Variants in BOP1 observed in about 807,000 individuals in gnomAD.
BOP1 encodes BOP1 ribosomal biogenesis factor.
BOP1 carries 54 observed loss-of-function variants against 82.9 expected under a neutral mutation model. The observed-to-expected ratio is 0.65, with a 90% CI of 0.52 to 0.82. BOP1 has a LOEUF of 0.82. BOP1 is among the 40% of genes least tolerant of loss of function. The pLI is 0.00. For synonymous variants in BOP1, 566 were observed against 451.1 expected, an observed-to-expected ratio of 1.25 and a Z score of -3.23; for missense variants, 1,170 against 1,072.0, an observed-to-expected ratio of 1.09 and a Z score of -1.28.
At chr8:144,273,522 CA>C (rs1253804496) in intron 3 of BOP1, among the ~76,000 whole-genome samples, 4 of 152,252 alleles carry the variant, frequency 2.6e-5, no homozygotes, top group Non-Finnish European at 4.4e-5. Flanking sequence ...GCTTTCCTGA[CA>C]AACACGGCCA....
At chr8:144,289,361 A>G in intron 1 of BOP1, 57 bp from the exon 2 acceptor site, 1 of 1,569,484 alleles carries the variant, frequency 6.4e-7, no homozygotes, top group South Asian at 1.1e-5. Flanking sequence ...GGCACTGAAC[A>G]CTGCAGGGAG....
chr8:144,284,853 G>C (rs1554839296), intron 2 of BOP1, among the ~76,000 whole-genome samples: 1 of 152,212 alleles, frequency 6.6e-6, no homozygotes, highest in African/African-American at 2.4e-5. Flanking sequence ...GAAGCCTGTG[G>C]CCCGGCCCTG....
intron 1 of BOP1, among the ~76,000 whole-genome samples, chr8:144,290,686 A>G (rs1415971925): frequency 6.6e-6 from 1 of 152,218 alleles, no homozygotes; most frequent in East Asian, 1.9e-4. Context: ...CATGGGAGCC[A>G]GGATGAGTTG....
At chr8:144,276,097 A>G in intron 3 of BOP1, 127 bp downstream of exon 3, 1 of 1,132,218 alleles carries the variant, frequency 8.8e-7, no homozygotes. Flanking sequence ...CCTCGGCTCC[A>G]ACAGTGCGGC....
chr8:144,262,996 C>T lies in BOP1; in HGVS notation c.1751G>A (p.Arg584Gln), dbSNP rs910989731. The T allele has an allele frequency of 4.2e-5, 65 of 1,555,316 alleles. No individual in the cohort carries two copies. The highest frequency in any genetic ancestry group is 5.2e-5 in the Non-Finnish European group (60 of 1,158,092). ...GGGCCGGGCAGGGTGGAAGGCCACT[C>T]GCTGCACCTGTCCGTGGCTGCGGCG... The part of the protein sequence containing the change: ...PFRRSHGQVQ[R>Q]VAFHPARPFL... The change falls in exon 13 of 16, where the codon CGA (arginine) becomes CAA (glutamine). Residue 584 changes from arginine (R) to glutamine (Q), a missense_variant. Arg to Gln is a conservative substitution (Grantham distance 43, BLOSUM62 1). Coordinates refer to ENST00000569669, the MANE Select transcript of BOP1 (RefSeq NM_015201.5).
intron 1 of BOP1, among the ~76,000 whole-genome samples, chr8:144,290,378 A>T (rs1461090444): frequency 6.6e-6 from 1 of 152,092 alleles, no homozygotes; most frequent in Non-Finnish European, 1.5e-5. Flanking sequence ...AGGAAAAGAA[A>T]AGAAAAAGGA....
At chr8:144,287,213 T>C (rs1025724850) in intron 2 of BOP1, among the ~76,000 whole-genome samples, 1 of 152,212 alleles carries the variant, frequency 6.6e-6, no homozygotes, top group Admixed American at 6.5e-5. Flanking sequence ...TTTCACCATG[T>C]TAGCCAGGCT....
intron 2 of BOP1, among the ~76,000 whole-genome samples, chr8:144,287,837 C>T (rs1588610377): frequency 6.6e-6 from 1 of 152,322 alleles, no homozygotes; most frequent in African/African-American, 2.4e-5. Context: ...GCCAACCCAA[C>T]ACAGCTAGCA....
At chr8:144,267,486 T>C (rs1312216151) in intron 3 of BOP1, among the ~76,000 whole-genome samples, 2 of 152,244 alleles carry the variant, frequency 1.3e-5, no homozygotes, top group African/African-American at 4.8e-5. Flanking sequence ...ACCAGGCCGC[T>C]GCAAGCTTCC....
rs1326632060 is a variant in BOP1, at chr8:144,264,064, C to T, written c.1057G>A (p.Val353Met). ...LPRKFPSLRA[V>M]PAYGRFIQER... ...TGGATGAAGCGTCCGTAGGCAGGCA[C>T]GGCCCGCAGGCTCGGGAACTTGCGT... Residue 353 changes from valine (V) to methionine (M), a missense_variant, in exon 8 of 16, where the codon GTG (valine) becomes ATG (methionine). Coordinates refer to ENST00000569669, the MANE Select transcript of BOP1 (RefSeq NM_015201.5). 77 of 1,610,110 alleles carry T rather than the reference C, an allele frequency of 4.8e-5. No homozygotes were observed. The Middle Eastern group carries it at 5.0e-4, about 10-fold the overall frequency.
intron 3 of BOP1, chr8:144,265,402 C>A (rs946173408): frequency 1.1e-5 from 5 of 456,270 alleles, no homozygotes; most frequent in Non-Finnish European, 1.6e-5. Flanking sequence ...TCATCACCCA[C>A]GGGCTCCCTC....
chr8:144,262,768 GCCCCTACCCCCACCCCTCACCT>G (rs1845243445), intron 13 of BOP1, 63 bp downstream of exon 13: 1 of 1,331,690 alleles, frequency 7.5e-7, no homozygotes, highest in Non-Finnish European at 1.0e-6. Context: ...AGGGTGCACT[GCCCCTACCCCCACCCCTCACCT>G]GCAGGGTACA....
In BOP1 at chr8:144,264,427, A is replaced by C; in HGVS notation, c.776T>G (p.Met259Arg). 2 of 1,603,300 alleles carry C rather than the reference A, an allele frequency of 1.2e-6. No homozygotes were observed. Among genetic ancestry groups the C allele is most frequent in the Non-Finnish European group, 1.7e-6 (2 of 1,179,684 alleles). ...CCAGCCCATCTTGATGGCGTGCACCATGCGAGAGACCTGCATAGACAGCCG... is the reference window on the plus strand; with the variant it reads ...CCAGCCCATCTTGATGGCGTGCACCCTGCGAGAGACCTGCATAGACAGCCG... ...SLVEKEKVSRMVHAIKMGWIQ... is the reference protein window; with the variant it reads ...SLVEKEKVSRRVHAIKMGWIQ... The change falls in exon 7 of 16, where the codon ATG becomes AGG. Residue 259 changes from methionine to arginine, a missense_variant. Physicochemically the swap from Met to Arg is moderately conservative, Grantham distance 91. Transcript: ENST00000569669.
rs781815329 is a variant in BOP1 at position 144,263,252 on chromosome 8, A to C, written c.1574T>G (p.Val525Gly). Residue 525 changes from valine (V) to glycine (G), a missense_variant, in exon 12 of 16, where the codon GTG becomes GGG. Physicochemically the swap from Val to Gly is moderately radical, Grantham distance 109 (BLOSUM62 -3). Transcript: ENST00000569669. ...WLEASEEERQ[V>G]GLRLRICHGK... ...GTGGCAGATGCGCAGCCGCAGGCCC[A>C]CTTGGCGCTCCTCCTCTGAGGCCTC... 1.9e-5 allele frequency: 30 copies of C among 1,594,830 alleles called. No individual in the cohort carries two copies. In the Admixed American group the frequency reaches 4.8e-4, roughly 26 times the overall value.
At chr8:144,267,130 AC>A in intron 3 of BOP1, 1 of 1,509,060 alleles carries the variant, frequency 6.6e-7, no homozygotes, top group Non-Finnish European at 8.8e-7. Flanking sequence ...CGGCGAGAAC[AC>A]CCAGCCCAAA....
At chr8:144,277,914 A>C (rs1478542634) in intron 2 of BOP1, among the ~76,000 whole-genome samples, 5 of 151,154 alleles carry the variant, frequency 3.3e-5, no homozygotes, top group African/African-American at 9.8e-5. Context: ...TATTTTTTTT[A>C]ACTTAAAAAT....
chr8:144,284,828 G>A (rs1554839294), intron 2 of BOP1, among the ~76,000 whole-genome samples: 2 of 152,210 alleles, frequency 1.3e-5, no homozygotes. Flanking sequence ...AGGCCTGAGG[G>A]CAGAAAGCCA....
At chr8:144,267,258 G>C in intron 3 of BOP1, 1 of 1,416,438 alleles carries the variant, frequency 7.1e-7, no homozygotes, top group Non-Finnish European at 9.2e-7. Context: ...GAGGAGGCGA[G>C]GCCACACGGG....
At chr8:144,271,024 G>A (rs1196337581) in intron 3 of BOP1, among the ~76,000 whole-genome samples, 3 of 151,976 alleles carry the variant, frequency 2.0e-5, no homozygotes, top group Non-Finnish European at 4.4e-5. Flanking sequence ...CGCAGCACCT[G>A]CGGGCTGCCA....
Sources: gnomAD v4.1 joint callset for allele counts (sites outside exome capture counted in the v4.1 genomes callset) on GRCh38, gnomAD v4.1.1 for gene constraint, MANE v1.5 for transcripts, NCBI Gene and HGNC (gene_info 2026-07-23, HGNC 2026-07-21) for gene names.